ELMO1: variants seen among roughly 807,000 people sequenced by gnomAD.
ELMO1 encodes the protein engulfment and cell motility 1, also known as engulfment and cell motility protein 1.
In ELMO1, 26 loss-of-function variants were observed where a neutral mutation model predicts 98.9. The ratio of observed to expected loss-of-function variants is 0.26; its 90% confidence interval spans 0.19 to 0.36. The LOEUF (loss-of-function observed/expected upper bound fraction) is 0.36. Among genes scored for constraint, ELMO1 ranks in the 10% least tolerant of loss-of-function variants. The pLI is 1.00. For missense variants in ELMO1, 627 were observed against 935.2 expected (o/e 0.67, Z 4.30); for synonymous variants, 346 against 346.0 (o/e 1.00, Z 0.00).
chr7:37,192,951 ATT>A (rs796505317), intron 13 of ELMO1, among the ~76,000 whole-genome samples: 1 of 138,854 alleles, frequency 7.2e-6, no homozygotes, highest in African/African-American at 2.6e-5. Context: ...ATACATATAT[ATT>A]TTTTATATAT....
chr7:37,392,316 T>C (rs1304484325), intron 1 of ELMO1, among the ~76,000 whole-genome samples: 1 of 152,118 alleles, frequency 6.6e-6, no homozygotes, highest in Non-Finnish European at 1.5e-5. Context: ...CTAAGGAACC[T>C]GAATAAAGTG....
At chr7:36,925,047 C>T (rs891522996) in intron 16 of ELMO1, among the ~76,000 whole-genome samples, 1 of 152,086 alleles carries the variant, frequency 6.6e-6, no homozygotes, top group Non-Finnish European at 1.5e-5. Flanking sequence ...GCCAGGGATG[C>T]TGCTACACGT....
At chr7:37,351,932 G>T (rs1801288434) in intron 1 of ELMO1, among the ~76,000 whole-genome samples, 1 of 152,190 alleles carries the variant, frequency 6.6e-6, no homozygotes, top group Non-Finnish European at 1.5e-5. Flanking sequence ...ACTGCTATCA[G>T]AAGTCACGCA....
In ELMO1 at chr7:37,136,139, A is replaced by G. The variant is rs141431486; in HGVS notation, c.1087-2905T>C. Among the ~76,000 whole-genome samples, 7 of 152,320 alleles carry G rather than the reference A, an allele frequency of 4.6e-5. No individual in the cohort carries two copies. The East Asian group carries it at 1.3e-3, about 29-fold the overall frequency. On this transcript the variant is annotated intron_variant, in intron 13 of 21. Transcript: ENST00000310758. ...ATAAAGAACCTCAAAGCTCAAAGAC[A>G]AGGCTTTCGAATTAACCCAATCCGT...
intron 16 of ELMO1, among the ~76,000 whole-genome samples, chr7:36,968,740 T>G (rs1584452956): frequency 6.6e-6 from 1 of 152,202 alleles, no homozygotes; most frequent in Non-Finnish European, 1.5e-5. Flanking sequence ...CTATTATTTC[T>G]TTTATTTTCT....
At chr7:37,051,736 C>T (rs993663761) in intron 15 of ELMO1, among the ~76,000 whole-genome samples, 2 of 152,228 alleles carry the variant, frequency 1.3e-5, no homozygotes, top group East Asian at 1.9e-4. Flanking sequence ...TAAAATCTGG[C>T]TATATAATTT....
chr7:37,387,588 A>G (rs1802862315), intron 1 of ELMO1, among the ~76,000 whole-genome samples: 1 of 152,112 alleles, frequency 6.6e-6, no homozygotes, highest in African/African-American at 2.4e-5. Flanking sequence ...TTAGTACTCG[A>G]ATATACCATT....
rs1554438183 is a variant in ELMO1, at chr7:37,188,501, A to AATAATAATAAT, written c.1086+22884_1086+22885insATTATTATTAT. Among the ~76,000 whole-genome samples the AATAATAATAAT allele has an allele frequency of 3.1e-3, 389 of 125,934 alleles. 4 individuals are homozygous for AATAATAATAAT. The highest frequency in any genetic ancestry group is 4.1e-3 in the Admixed American group (48 of 11,748). 82.6% of individuals were successfully genotyped at this position (125,934 alleles called of 152,430 possible). ...CTGGAGAAAGGTAAAAAAAAAAAAA[A>AATAATAATAAT]AATAATAATAATAATAATAATAATA... On this transcript the variant is annotated intron_variant, in intron 13 of 21. Transcript: ENST00000310758.
At chr7:37,099,557 G>A (rs1239214282) in intron 14 of ELMO1, among the ~76,000 whole-genome samples, 3 of 152,076 alleles carry the variant, frequency 2.0e-5, no homozygotes, top group Non-Finnish European at 2.9e-5. Context: ...ACTAAAAGGT[G>A]CTATTACCAC....
intron 19 of ELMO1, 30 bp downstream of exon 19, chr7:36,877,980 C>G (rs1327040063): frequency 6.4e-7 from 1 of 1,563,902 alleles, no homozygotes; most frequent in Non-Finnish European, 8.8e-7. Context: ...CCGACCACCA[C>G]TCAGGCCTCT....
At chr7:36,956,990 T>C (rs1562855281) in intron 16 of ELMO1, among the ~76,000 whole-genome samples, 2 of 152,350 alleles carry the variant, frequency 1.3e-5, no homozygotes, top group Non-Finnish European at 1.5e-5. Flanking sequence ...CATGGTAATG[T>C]TGTCGATTTC....
intron 1 of ELMO1, among the ~76,000 whole-genome samples, chr7:37,369,843 T>G (rs1802045421): frequency 6.6e-6 from 1 of 152,096 alleles, no homozygotes; most frequent in East Asian, 1.9e-4. Context: ...CGCCCTGAAA[T>G]ATGGTGCTTT....
intron 7 of ELMO1, among the ~76,000 whole-genome samples, chr7:37,236,574 C>A (rs1794476538): frequency 6.6e-6 from 1 of 152,076 alleles, no homozygotes; most frequent in Admixed American, 6.5e-5. Context: ...GTAAAATACA[C>A]ATAGGTATAT....
At chr7:36,867,443 T>G (rs980636037) in intron 20 of ELMO1, among the ~76,000 whole-genome samples, 8 of 152,156 alleles carry the variant, frequency 5.3e-5, no homozygotes, top group African/African-American at 1.9e-4. Context: ...GTTTATCAAT[T>G]TTATTCATCT....
chr7:37,131,861 T>C (rs1335471820), intron 14 of ELMO1, among the ~76,000 whole-genome samples: 1 of 152,134 alleles, frequency 6.6e-6, no homozygotes, highest in Admixed American at 6.5e-5. Flanking sequence ...TCCATATATA[T>C]AGAACAACAC....
At chr7:37,288,966 C>T (rs1167239942) in intron 4 of ELMO1, among the ~76,000 whole-genome samples, 4 of 152,186 alleles carry the variant, frequency 2.6e-5, no homozygotes, top group African/African-American at 9.7e-5. Flanking sequence ...TGTCCTACTC[C>T]ATTTTCCTCA....
intron 1 of ELMO1, among the ~76,000 whole-genome samples, chr7:37,355,595 G>C (rs1176314394): frequency 3.3e-5 from 5 of 152,248 alleles, no homozygotes; most frequent in African/African-American, 9.6e-5. Flanking sequence ...GAAATCGGAG[G>C]GGGGAAAGTT....
At chr7:36,986,126 C>G in intron 16 of ELMO1, 2 of 988,224 alleles carry the variant, frequency 2.0e-6, no homozygotes, top group Non-Finnish European at 1.2e-6. Context: ...GGTATACACT[C>G]CAAGTCCAGA....
intron 13 of ELMO1, among the ~76,000 whole-genome samples, chr7:37,134,489 G>A (rs1787134226): frequency 6.6e-6 from 1 of 151,404 alleles, no homozygotes. Context: ...AACCTGGGAG[G>A]CGGAGGTTGC....
Sources: gnomAD v4.1 joint callset for allele counts (sites outside exome capture counted in the v4.1 genomes callset) on GRCh38, gnomAD v4.1.1 for gene constraint, MANE v1.5 for transcripts, NCBI Gene and HGNC (gene_info 2026-07-23, HGNC 2026-07-21) for gene names.